Variants in PTPRN2 observed in about 807,000 individuals in gnomAD.
PTPRN2 encodes protein tyrosine phosphatase receptor type N2.
PTPRN2 carries 74 observed loss-of-function variants against 118.8 expected under a neutral mutation model. That is an observed-to-expected ratio of 0.62 (90% CI 0.52 to 0.76). The LOEUF is 0.76. Ranked by LOEUF, PTPRN2 falls within the 30% of genes least tolerant of loss-of-function variation. The pLI is 0.00. For missense variants in PTPRN2, 1,481 were observed against 1,394.4 expected (o/e 1.06, Z -0.99); for synonymous variants, 641 against 608.0 (o/e 1.05, Z -0.80).
rs1168154381 is a variant in PTPRN2, at chr7:158,502,736, C to T, written c.113-12951G>A. ...ATAGATTCTTTTCTTGTCAAATTCA[C>T]GCTGAGCCACTTTTCCCTCACCCCC... On this transcript the variant is annotated intron_variant, in intron 1 of 22. Coordinates refer to ENST00000389418, the MANE Select transcript of PTPRN2 (RefSeq NM_002847.5). Among the ~76,000 whole-genome samples, 5 of 152,272 alleles carry T rather than the reference C, an allele frequency of 3.3e-5. No homozygotes were observed. In the East Asian group the frequency reaches 5.8e-4, roughly 18 times the overall value.
At chr7:157,781,172 G>A (rs1478905998) in intron 12 of PTPRN2, among the ~76,000 whole-genome samples, 2 of 152,176 alleles carry the variant, frequency 1.3e-5, no homozygotes, top group East Asian at 3.9e-4. Context: ...TGACCCCACA[G>A]CACCAGGCCT....
intron 6 of PTPRN2, among the ~76,000 whole-genome samples, chr7:158,143,248 A>G (rs1469300451): frequency 6.6e-6 from 1 of 152,212 alleles, no homozygotes; most frequent in African/African-American, 2.4e-5. Flanking sequence ...AGGCGGCCAC[A>G]GGCAAGAGCC....
intron 14 of PTPRN2, among the ~76,000 whole-genome samples, chr7:157,649,169 C>T (rs1415807182): frequency 7.5e-5 from 9 of 119,508 alleles, no homozygotes; most frequent in African/African-American, 1.2e-4. Context: ...GCACTGAACT[C>T]GGTGGGTCGG....
rs1381978626 is a variant in PTPRN2 at position 157,583,927 on chromosome 7, C to T, written c.2497-5787G>A. On this transcript the variant is annotated intron_variant, in intron 17 of 22. Coordinates refer to ENST00000389418, the MANE Select transcript of PTPRN2 (RefSeq NM_002847.5). The surrounding 1 kb of genome is among the most constrained non-coding windows in gnomAD (Gnocchi z 5.5). ...ACACACACACACACACACACACACA[C>T]ACACACACTCTTAAAATAAGCTCTC... Among the ~76,000 whole-genome samples, 5 of 144,148 alleles carry T rather than the reference C, an allele frequency of 3.5e-5. No individual in the cohort carries two copies. The South Asian group carries it at 1.1e-3, about 31-fold the overall frequency. 94.6% of individuals were successfully genotyped at this position (144,148 alleles called of 152,430 possible).
chr7:158,132,767 T>G (rs570037703), intron 9 of PTPRN2, among the ~76,000 whole-genome samples: 12 of 149,486 alleles, frequency 8.0e-5, no homozygotes, highest in Admixed American at 2.0e-4. Flanking sequence ...CACATACACA[T>G]CTACCCAACA....
chr7:158,256,177 C>A (rs150413839), intron 3 of PTPRN2, among the ~76,000 whole-genome samples: 2 of 152,138 alleles, frequency 1.3e-5, no homozygotes, highest in South Asian at 4.1e-4. Context: ...GTGTTGACGA[C>A]GATGCTTTGA....
At chr7:158,169,417 A>AGTGTGTGT (rs375257745) in intron 5 of PTPRN2, among the ~76,000 whole-genome samples, 6,179 of 136,510 alleles carry the variant, frequency 0.045, 227 homozygotes, top group East Asian at 0.12. Context: ...TGCTTTTGTG[A>AGTGTGTGT]GTGTGTGTGT....
chr7:158,137,109 T>C (rs1343447515), intron 7 of PTPRN2, among the ~76,000 whole-genome samples: 2 of 152,314 alleles, frequency 1.3e-5, no homozygotes, highest in East Asian at 3.9e-4. Flanking sequence ...TTCACTGTGG[T>C]CAGCGTTTCT....
intron 2 of PTPRN2, among the ~76,000 whole-genome samples, chr7:158,326,618 A>C (rs1336245755): frequency 1.3e-5 from 2 of 151,488 alleles, no homozygotes; most frequent in African/African-American, 4.9e-5. Context: ...TCTCACACAC[A>C]TGCACATTCT....
At chr7:157,644,407 C>A (rs1316500238) in intron 14 of PTPRN2, among the ~76,000 whole-genome samples, 2 of 152,220 alleles carry the variant, frequency 1.3e-5, no homozygotes, top group Non-Finnish European at 2.9e-5. Flanking sequence ...GTCGTCACGG[C>A]AGCCCCAGCA....
intron 3 of PTPRN2, among the ~76,000 whole-genome samples, chr7:158,271,100 C>A (rs189351452): frequency 2.9e-5 from 4 of 138,066 alleles, no homozygotes; most frequent in African/African-American, 1.1e-4. Context: ...ACCTGGGCTG[C>A]CCCCTCCACC....
Position 157,673,815 on chromosome 7 carries a change from A to C in PTPRN2, c.2001+8910T>G, listed in dbSNP as rs930064195. On this transcript the variant is annotated intron_variant, in intron 13 of 22. Coordinates refer to ENST00000389418, the MANE Select transcript of PTPRN2 (RefSeq NM_002847.5). ...GGGCTCCCCGCGTTCTCTGAGCCCC[A>C]TGCCCGCCCCACCCGGCACCCAGGG... Among the ~76,000 whole-genome samples the C allele has an allele frequency of 4.4e-4, 66 of 151,642 alleles. 1 individual carries two copies. The highest frequency in any genetic ancestry group is 3.4e-3 in the Middle Eastern group (1 of 290).
At chr7:158,495,643 C>T (rs764725163) in intron 1 of PTPRN2, among the ~76,000 whole-genome samples, 6 of 152,138 alleles carry the variant, frequency 3.9e-5, no homozygotes, top group Non-Finnish European at 8.8e-5. Flanking sequence ...TCCATCGGAT[C>T]GAAAACAACG....
At chr7:158,157,661 A>T (rs921101158) in intron 6 of PTPRN2, among the ~76,000 whole-genome samples, 1 of 152,212 alleles carries the variant, frequency 6.6e-6, no homozygotes, top group Non-Finnish European at 1.5e-5. Flanking sequence ...CACTGGGCGC[A>T]TCCACGTCAG....
intron 5 of PTPRN2, among the ~76,000 whole-genome samples, chr7:158,189,486 G>A (rs912130678): frequency 5.3e-5 from 8 of 152,166 alleles, no homozygotes; most frequent in Admixed American, 2.6e-4. Context: ...CCAAGGCTAC[G>A]CTCCTGCCTT....
intron 2 of PTPRN2, among the ~76,000 whole-genome samples, chr7:158,428,101 A>G (rs184305506): frequency 1.3e-5 from 2 of 152,382 alleles, no homozygotes; most frequent in Admixed American, 1.3e-4. Flanking sequence ...CCTGTCACCA[A>G]GTGTTTAAAG....
Position 158,003,986 on chromosome 7 carries a change from G to T in PTPRN2, c.1723+77312C>A, listed in dbSNP as rs1805468550. Among the ~76,000 whole-genome samples the T allele has an allele frequency of 6.6e-6, 1 of 152,120 alleles. No homozygotes were observed. Among genetic ancestry groups the T allele is most frequent in the Non-Finnish European group, 1.5e-5 (1 of 68,032 alleles). ...AACGTGTCAGCACCTTGGGAGCCTG[G>T]CCAGTGTTTCATTTCACTGAGTTCC... is the stretch of plus-strand genomic sequence containing the variant. On this transcript the variant is annotated intron_variant, in intron 11 of 22. Transcript: ENST00000389418. The surrounding 1 kb of genome is among the most constrained non-coding windows in gnomAD (Gnocchi z 5.0).
chr7:158,396,469 A>G (rs1812513676), intron 2 of PTPRN2, among the ~76,000 whole-genome samples: 1 of 149,012 alleles, frequency 6.7e-6, no homozygotes, highest in Non-Finnish European at 1.5e-5. Context: ...GTGTACATGC[A>G]TGTGATTTTG....
intron 3 of PTPRN2, among the ~76,000 whole-genome samples, chr7:158,277,109 GCA>G (rs373983324): frequency 1.4e-3 from 212 of 148,192 alleles, no homozygotes; most frequent in African/African-American, 4.2e-3. Context: ...TCACACACGT[GCA>G]CACACACACA....
Sources: allele counts gnomAD v4.1 joint callset (sites outside exome capture counted in the v4.1 genomes callset), GRCh38; gene constraint gnomAD v4.1.1; non-coding constraint Gnocchi (gnomAD v3.1); transcripts MANE v1.5; gene names NCBI Gene and HGNC (gene_info 2026-07-23, HGNC 2026-07-21).